Variants in KATNAL2 observed in about 807,000 individuals in gnomAD.
KATNAL2 encodes katanin catalytic subunit A1 like 2.
A neutral mutation model predicts 76.3 loss-of-function variants in KATNAL2; 52 were observed. That is an observed-to-expected ratio of 0.68 (90% CI 0.55 to 0.86). The LOEUF (loss-of-function observed/expected upper bound fraction) is 0.86. Among genes scored for constraint, KATNAL2 ranks in the 40% least tolerant of loss-of-function variants. The pLI, the probability that KATNAL2 is intolerant of heterozygous loss-of-function variation, is 0.00. For synonymous variants in KATNAL2, 243 were observed against 244.2 expected (o/e 1.00, Z 0.05); for missense variants, 660 against 668.9 (o/e 0.99, Z 0.15).
chr18:47,036,792 C>A (rs1426982587), intron 3 of KATNAL2, among the ~76,000 whole-genome samples: 1 of 152,196 alleles, frequency 6.6e-6, no homozygotes, highest in African/African-American at 2.4e-5. Context: ...TGTTTCTGAG[C>A]ATAGTTGACC....
At chr18:46,946,962 C>A in intron 3 of KATNAL2, 39 bp downstream of exon 3, 1 of 1,284,502 alleles carries the variant, frequency 7.8e-7, no homozygotes, top group Non-Finnish European at 1.1e-6. Flanking sequence ...ATACCAAGAA[C>A]CCCTCTCCTA....
intron 17 of KATNAL2, among the ~76,000 whole-genome samples, chr18:47,100,635 T>A (rs1353459656): frequency 1.3e-5 from 2 of 152,154 alleles, no homozygotes; most frequent in African/African-American, 4.8e-5. Flanking sequence ...TATTAAATAA[T>A]ACCTGGTAAC....
chr18:46,960,720 C>T (rs2059912268), intron 3 of KATNAL2, among the ~76,000 whole-genome samples: 1 of 152,114 alleles, frequency 6.6e-6, no homozygotes, highest in African/African-American at 2.4e-5. Context: ...TAAGGCTATG[C>T]ATAAGAGTAA....
intron 2 of KATNAL2, 78 bp downstream of exon 2, chr18:46,946,624 C>CT (rs772018827): frequency 2.2e-6 from 2 of 912,428 alleles, no homozygotes; most frequent in Non-Finnish European, 2.6e-6. Context: ...GCCCTGTGCT[C>CT]TAACAATCTT....
At chr18:47,035,055 C>T (rs549058301) in intron 3 of KATNAL2, 11 of 1,611,826 alleles carry the variant, frequency 6.8e-6, no homozygotes, top group South Asian at 6.6e-5. Flanking sequence ...TCCACCGGGC[C>T]GCTAAGTCTC....
At chr18:47,084,846 C>T (rs1203340412) in intron 15 of KATNAL2, among the ~76,000 whole-genome samples, 1 of 21,630 alleles carries the variant, frequency 4.6e-5, no homozygotes, top group Non-Finnish European at 9.1e-5. Flanking sequence ...AAGACTCTGT[C>T]TAAAAAAAAA....
chr18:47,063,143 A>T, intron 9 of KATNAL2, 73 bp downstream of exon 9: 1 of 1,487,586 alleles, frequency 6.7e-7, no homozygotes, highest in South Asian at 1.1e-5. Flanking sequence ...TATAATTTTG[A>T]GTACAGTGAA....
intron 13 of KATNAL2, among the ~76,000 whole-genome samples, chr18:47,071,953 CTTTTTTTTTTTTT>C (rs574265545): frequency 1.5e-3 from 68 of 43,936 alleles, no homozygotes; most frequent in African/African-American, 6.6e-3. Context: ...CCAATTTCTT[CTTTTTTTTTTTTT>C]TTTTTTTTTT....
In KATNAL2 at chr18:47,050,271, A is replaced by T. The variant is rs184121393; in HGVS notation, c.123-2609A>T. 2.6e-5 allele frequency among the ~76,000 whole-genome samples: 4 copies of T among 152,272 alleles called. No homozygotes were observed. The East Asian group carries it at 7.7e-4, about 29-fold the overall frequency. On this transcript the variant is annotated intron_variant, in intron 4 of 17. Coordinates refer to ENST00000683218, the MANE Select transcript of KATNAL2 (RefSeq NM_001387690.1). ...TGTCTTCCTAGATAAGTTGACTCTT[A>T]TAAAACTTAAACTCACCATGCCAGG...
At chr18:46,932,133 G>T (rs1319503350) in intron 1 of KATNAL2, among the ~76,000 whole-genome samples, 1 of 151,840 alleles carries the variant, frequency 6.6e-6, no homozygotes, top group Non-Finnish European at 1.5e-5. Context: ...GGATGGTCTC[G>T]ATCTCCTGAC....
At chr18:47,051,910 G>T (rs2147092522) in intron 4 of KATNAL2, among the ~76,000 whole-genome samples, 1 of 152,254 alleles carries the variant, frequency 6.6e-6, no homozygotes, top group East Asian at 1.9e-4. Context: ...AAGAAAGAAA[G>T]AAAGAGAGAG....
chr18:47,042,226 G>A (rs968288521), intron 3 of KATNAL2, among the ~76,000 whole-genome samples: 1 of 152,082 alleles, frequency 6.6e-6, no homozygotes, highest in African/African-American at 2.4e-5. Flanking sequence ...GAACTTCTGA[G>A]AGCCCTGACT....
At chr18:46,920,056 T>TA (rs1476482915) in intron 1 of KATNAL2, 1 of 1,289,482 alleles carries the variant, frequency 7.8e-7, no homozygotes, top group East Asian at 5.5e-5. Context: ...CACTGAAACT[T>TA]ACGTGCAGTG....
rs376146729 is a variant in KATNAL2 at position 47,033,838 on chromosome 18, G to A, written c.52-12619G>A. On this transcript the variant is annotated intron_variant, in intron 3 of 17. Transcript: ENST00000683218. ...GGTCATGGAGTCAGAATCCGAAAGC[G>A]GATCGTAGTTGGCCTGCATCCAGGC... 22 of 1,613,928 alleles carry A rather than the reference G, an allele frequency of 1.4e-5. No individual in the cohort carries two copies. Among genetic ancestry groups the A allele is most frequent in the African/African-American group, 8.0e-5 (6 of 74,930 alleles).
At chr18:46,926,780 G>C (rs979529804) in intron 1 of KATNAL2, among the ~76,000 whole-genome samples, 23 of 152,128 alleles carry the variant, frequency 1.5e-4, no homozygotes, top group Non-Finnish European at 2.8e-4. Context: ...TGTATTGGGT[G>C]CATATATATT....
intron 3 of KATNAL2, among the ~76,000 whole-genome samples, chr18:46,950,991 T>C (rs2059537705): frequency 6.6e-6 from 1 of 152,272 alleles, no homozygotes; most frequent in Non-Finnish European, 1.5e-5. Flanking sequence ...GCGATGTTCA[T>C]ACTCCTGAAG....
intron 3 of KATNAL2, among the ~76,000 whole-genome samples, chr18:46,948,671 G>A (rs536538361): frequency 4.0e-5 from 6 of 151,172 alleles, no homozygotes; most frequent in African/African-American, 9.7e-5. Flanking sequence ...CAGGTGATCC[G>A]CCTGCCTTGG....
At chr18:46,951,211 G>A (rs1321886941) in intron 3 of KATNAL2, among the ~76,000 whole-genome samples, 1 of 151,980 alleles carries the variant, frequency 6.6e-6, no homozygotes, top group Non-Finnish European at 1.5e-5. Context: ...ATACTATTTA[G>A]AGCTGAGCCA....
At chr18:47,031,649 G>T (rs1388767023) in intron 3 of KATNAL2, among the ~76,000 whole-genome samples, 2 of 152,150 alleles carry the variant, frequency 1.3e-5, no homozygotes, top group East Asian at 1.9e-4. Context: ...CTAGAATGAG[G>T]ATTATTTTAG....
Sources: allele counts gnomAD v4.1 joint callset (sites outside exome capture counted in the v4.1 genomes callset), GRCh38; gene constraint gnomAD v4.1.1; transcripts MANE v1.5; gene names NCBI Gene and HGNC (gene_info 2026-07-23, HGNC 2026-07-21).